Variants in VAC14 observed in about 807,000 individuals in gnomAD.
VAC14 encodes VAC14 component of PIKFYVE complex.
Under a neutral mutation model 85.3 loss-of-function variants are expected in VAC14, and 47 were observed. The observed-to-expected ratio is 0.55, with a 90% CI of 0.44 to 0.70. VAC14 has a LOEUF of 0.70. Ranked by LOEUF, VAC14 falls within the 30% of genes least tolerant of loss-of-function variation. The pLI is 0.00. For missense variants in VAC14, 861 were observed against 1,004.3 expected (o/e 0.86, Z 1.93); for synonymous variants, 447 against 430.5 (o/e 1.04, Z -0.47).
chr16:70,746,665 G>A (rs914270617), intron 12 of VAC14, among the ~76,000 whole-genome samples: 2 of 152,228 alleles, frequency 1.3e-5, no homozygotes, highest in Non-Finnish European at 2.9e-5. Flanking sequence ...AGCCTCCAGG[G>A]ATTCTTTGCT....
intron 8 of VAC14, 116 bp downstream of exon 8, chr16:70,781,753 G>C: frequency 7.1e-7 from 1 of 1,400,934 alleles, no homozygotes; most frequent in African/African-American, 1.4e-5. Context: ...GAGCTGCTAG[G>C]GACTATGGAA....
At chr16:70,710,491 G>A (rs916553898) in intron 14 of VAC14, among the ~76,000 whole-genome samples, 5 of 152,242 alleles carry the variant, frequency 3.3e-5, no homozygotes, top group African/African-American at 1.2e-4. Flanking sequence ...TGGGACCCGA[G>A]TAAGGTGGCC....
At chr16:70,769,883 G>A (rs1369346720) in intron 10 of VAC14, 1 of 152,260 alleles carries the variant, frequency 6.6e-6, no homozygotes, top group Non-Finnish European at 1.5e-5. Flanking sequence ...GTCTACAACA[G>A]GCTTTTGGCT....
chr16:70,717,719 G>A (rs571928427), intron 14 of VAC14, among the ~76,000 whole-genome samples: 1 of 152,212 alleles, frequency 6.6e-6, no homozygotes, highest in African/African-American at 2.4e-5. Context: ...GCAGTGGCAC[G>A]ATCTCAGCTC....
In VAC14 at chr16:70,731,595, G is replaced by A. The variant is rs754572296; in HGVS notation, c.1561C>T (p.Pro521Ser). ...TKGLECSPST[P>S]TMNSYFYKFM... ...TTATAAAAGTAAGAATTCATGGTGG[G>A]AGTTGAAGGAGAACATTCTAAGCCT... is the stretch of plus-strand genomic sequence containing the variant. The change falls in exon 14 of 19, where the codon CCC becomes TCC. Residue 521 changes from proline to serine, a missense_variant. Coordinates refer to ENST00000261776, the MANE Select transcript of VAC14 (RefSeq NM_018052.5). 4 of 1,614,102 alleles carry A rather than the reference G, an allele frequency of 2.5e-6. No individual in the cohort carries two copies. Among genetic ancestry groups the A allele is most frequent in the Admixed American group, 1.7e-5 (1 of 60,022 alleles).
At position 70,731,871 on chromosome 16, in the gene VAC14, G is replaced by GA. The variant is rs543012938; in HGVS notation, c.1529-245dup. Among the ~76,000 whole-genome samples, 949 of 147,482 alleles carry GA rather than the reference G, an allele frequency of 6.4e-3. 4 individuals carry two copies. Among genetic ancestry groups the GA allele is most frequent in the Non-Finnish European group, 0.01 (683 of 66,668 alleles). ...CTAGTTAAAGTCCTACTCGTAACTT[G>GA]AAAAAAAAAAATCCCATTACTGTCC... On this transcript the variant is annotated intron_variant, in intron 13 of 18. Coordinates refer to ENST00000261776, the MANE Select transcript of VAC14 (RefSeq NM_018052.5).
chr16:70,783,221 GGGTCAGCCACCCAGAGGGC>G, intron 6 of VAC14, 82 bp from the exon 7 acceptor site: 1 of 1,456,014 alleles, frequency 6.9e-7, no homozygotes, highest in Non-Finnish European at 9.4e-7. Context: ...TTTCCGTGCT[GGGTCAGCCACCCAGAGGGC>G]GGCTTGGCTT....
intron 14 of VAC14, among the ~76,000 whole-genome samples, chr16:70,706,176 G>A (rs985848223): frequency 5.9e-5 from 9 of 152,226 alleles, no homozygotes; most frequent in South Asian, 4.1e-4. Context: ...TGGGGTCAGC[G>A]ATCGCTGTGC....
At chr16:70,787,068 G>A (rs1301621198) in intron 1 of VAC14, among the ~76,000 whole-genome samples, 1 of 152,190 alleles carries the variant, frequency 6.6e-6, no homozygotes, top group Non-Finnish European at 1.5e-5. Context: ...TGGAAGGAGT[G>A]GCTAGAGACA....
chr16:70,777,096 C>T (rs952697068), intron 9 of VAC14, among the ~76,000 whole-genome samples: 18 of 151,442 alleles, frequency 1.2e-4, no homozygotes, highest in African/African-American at 2.9e-4. Flanking sequence ...TGTGAGCCAC[C>T]GCGTCTGGCC....
intron 12 of VAC14, among the ~76,000 whole-genome samples, chr16:70,748,630 AG>A (rs1317999894): frequency 2.6e-5 from 4 of 152,208 alleles, no homozygotes; most frequent in Non-Finnish European, 5.9e-5. Context: ...CCAAAGTGGT[AG>A]GCAGGGCCAG....
intron 10 of VAC14, among the ~76,000 whole-genome samples, chr16:70,767,963 C>T (rs2032939691): frequency 6.6e-6 from 1 of 152,122 alleles, no homozygotes; most frequent in Admixed American, 6.5e-5. Flanking sequence ...TGACTCACTG[C>T]ACCCTCAAGC....
chr16:70,785,667 C>G, intron 3 of VAC14, 35 bp downstream of exon 3: 1 of 1,528,082 alleles, frequency 6.5e-7, no homozygotes, highest in South Asian at 1.2e-5. Flanking sequence ...GGGAACCAAG[C>G]GCAGCTCAGT....
chr16:70,690,109 G>C, intron 18 of VAC14: 1 of 985,678 alleles, frequency 1.0e-6, no homozygotes, highest in Non-Finnish European at 1.2e-6. Context: ...GCAAACCCGG[G>C]AAGATGGCGT....
rs528735846 is a variant in VAC14 at position 70,792,261 on chromosome 16, T to A, written c.105-5896A>T. Among the ~76,000 whole-genome samples the A allele has an allele frequency of 2.6e-5, 4 of 152,334 alleles. No individual in the cohort carries two copies. In the East Asian group the frequency reaches 7.7e-4, roughly 29 times the overall value. On this transcript the variant is annotated intron_variant, in intron 1 of 18. Transcript: ENST00000261776. ...TGGGCAGCCCCAGTTCCAGGTTTAG[T>A]GTCTCTTCAAAAGACCACACTATCC... is the stretch of plus-strand genomic sequence containing the variant.
At position 70,800,959 on chromosome 16, in the gene VAC14, G is replaced by C. The variant is rs2034776348; in HGVS notation, c.-59C>G. The C allele has an allele frequency of 1.5e-6, 2 of 1,323,298 alleles. No homozygotes were observed. The highest frequency in any genetic ancestry group is 2.0e-6 in the Non-Finnish European group (2 of 979,972). The allele number at this position is 1,323,298 out of a possible 1,614,324, so 82.0% of individuals were successfully genotyped here. On this transcript the variant is annotated 5_prime_UTR_variant, in exon 1 of 19. Transcript: ENST00000261776. The stretch of plus-strand genomic sequence containing the variant: ...CCCGCGGCTGCCGGGGCCGCGCCGG[G>C]GCCAGGGGAGTCTGCGGCTCCGCTC...
chr16:70,698,684 T>C lies in VAC14; in HGVS notation c.1789A>G (p.Thr597Ala), dbSNP rs1428115740. ...HALNTILLTS[T>A]ELFQLRNQLK... is the part of the protein sequence containing the mutation. Reference sequence around the variant, plus strand: ...TGGTTCCTTAGCTGGAAGAGCTCTGTGGAGGTCAGCAGGATGGTGTTGAGG... The same window carrying C: ...TGGTTCCTTAGCTGGAAGAGCTCTGCGGAGGTCAGCAGGATGGTGTTGAGG... Residue 597 changes from threonine to alanine, a missense_variant, in exon 15 of 19, where the codon ACA becomes GCA. Physicochemically the swap from Thr to Ala is moderately conservative, Grantham distance 58. Transcript: ENST00000261776. 2 of 1,613,974 alleles carry C rather than the reference T, an allele frequency of 1.2e-6. No homozygotes were observed. The highest frequency in any genetic ancestry group is 1.7e-6 in the Non-Finnish European group (2 of 1,179,998).
At chr16:70,794,588 G>A (rs944533368) in intron 1 of VAC14, among the ~76,000 whole-genome samples, 2 of 152,222 alleles carry the variant, frequency 1.3e-5, no homozygotes, top group African/African-American at 4.8e-5. Context: ...AGCTCCCGAC[G>A]ATTTGCTTTG....
intron 18 of VAC14, chr16:70,690,383 G>A (rs968196394): frequency 3.3e-5 from 33 of 985,516 alleles, no homozygotes; most frequent in Admixed American, 6.1e-5. Context: ...AACCACCCTC[G>A]GGCACCGAGG....
Sources: gnomAD v4.1 joint callset for allele counts (sites outside exome capture counted in the v4.1 genomes callset) on GRCh38, gnomAD v4.1.1 for gene constraint, MANE v1.5 for transcripts, NCBI Gene and HGNC (gene_info 2026-07-23, HGNC 2026-07-21) for gene names.